Variants in AIMP2 observed in about 807,000 individuals in gnomAD.
The protein encoded by AIMP2 is aminoacyl tRNA synthetase complex interacting multifunctional protein 2, also known as aminoacyl tRNA synthase complex-interacting multifunctional protein 2.
In AIMP2, 20 loss-of-function variants were observed where a neutral mutation model predicts 23.4. The observed-to-expected ratio is 0.85, with a 90% confidence interval of 0.60 to 1.24. The LOEUF is 1.24. Ranked by LOEUF, AIMP2 falls within the 50% of genes most tolerant of loss-of-function variation. AIMP2 has a pLI of 0.00. For missense variants in AIMP2, 515 were observed against 414.5 expected, an observed-to-expected ratio of 1.24 and a Z score of -2.10; for synonymous variants, 210 against 170.4, an observed-to-expected ratio of 1.23 and a Z score of -1.81.
intron 1 of AIMP2, among the ~76,000 whole-genome samples, chr7:6,011,516 C>T (rs1197968475): frequency 6.6e-6 from 1 of 152,202 alleles, no homozygotes; most frequent in African/African-American, 2.4e-5. Context: ...ACAGGCCTGT[C>T]CATTTCTGAC....
chr7:6,014,758 C>A (rs34097030), intron 1 of AIMP2: 40,975 of 163,098 alleles, frequency 0.25, 5,556 homozygotes, highest in Middle Eastern at 0.36. Context: ...CTCACTCTGT[C>A]ACCCAGGCTG....
At chr7:6,014,749 T>G (rs1786911234) in intron 1 of AIMP2, among the ~76,000 whole-genome samples, 1 of 152,064 alleles carries the variant, frequency 6.6e-6, no homozygotes, top group African/African-American at 2.4e-5. Flanking sequence ...AGATGGAGTC[T>G]CACTCTGTCA....
chr7:6,013,264 T>G (rs1786808460), intron 1 of AIMP2: 1 of 82,612 alleles, frequency 1.2e-5, no homozygotes, highest in African/African-American at 5.2e-5. Flanking sequence ...GATTTTTTTT[T>G]TTTTTTTTTT....
At chr7:6,018,393 C>G (rs184690054) in intron 3 of AIMP2, among the ~76,000 whole-genome samples, 8 of 151,540 alleles carry the variant, frequency 5.3e-5, no homozygotes, top group Admixed American at 3.9e-4. Flanking sequence ...CATGATCCAC[C>G]TGCCTCAGCC....
At chr7:6,009,538 C>G in intron 1 of AIMP2, 40 bp downstream of exon 1, 1 of 1,388,226 alleles carries the variant, frequency 7.2e-7, no homozygotes, top group Non-Finnish European at 9.3e-7. Flanking sequence ...GCACGCGCGG[C>G]GACCGGCTGC....
At chr7:6,015,039 G>T in intron 1 of AIMP2, 107 bp from the exon 2 acceptor site, 3 of 1,570,838 alleles carry the variant, frequency 1.9e-6, no homozygotes, top group South Asian at 1.2e-5. Flanking sequence ...TTCTTTTAAA[G>T]GGTGGGAGGT....
chr7:6,015,262 T>G lies in AIMP2; in HGVS notation c.252T>G (p.Asp84Glu). Residue 84 changes from aspartate (D) to glutamate (E), a missense_variant, in exon 2 of 4, where the codon GAT becomes GAG. By Grantham distance (45) the Asp-to-Glu change is conservative. Transcript: ENST00000223029. ...TCTCCAAGATGATTCAAACACCAGA[T>G]GCAGACTTGGATGTAACCAACATAA... ...DGLSKMIQTP[D>E]ADLDVTNIIQ... The G allele has an allele frequency of 6.2e-7, 1 of 1,614,218 alleles. No homozygotes were observed. The highest frequency in any genetic ancestry group is 1.7e-5 in the Admixed American group (1 of 60,022).
At position 6,023,468 on chromosome 7, in the gene AIMP2, G is replaced by A; in HGVS notation, c.740G>A (p.Gly247Glu). Residue 247 changes from glycine to glutamate, a missense_variant, in exon 4 of 4, where the codon GGA becomes GAA. Transcript: ENST00000223029. Reference sequence around the variant, plus strand: ...ATTGCGATTTTTCAGTTAAAAGAGGGAAGCAGTAAAGAAAAAGCCGCTGTT... The same window carrying A: ...ATTGCGATTTTTCAGTTAAAAGAGGAAAGCAGTAAAGAAAAAGCCGCTGTT... The part of the protein sequence containing the change: ...VDIAIFQLKE[G>E]SSKEKAAVFR... 6.2e-7 allele frequency: 1 copy of A among 1,614,142 alleles called. No individual in the cohort carries two copies. Among genetic ancestry groups the A allele is most frequent in the Middle Eastern group, 1.6e-4 (1 of 6,062 alleles).
intron 3 of AIMP2, among the ~76,000 whole-genome samples, chr7:6,020,906 A>G (rs1787355583): frequency 6.6e-6 from 1 of 152,212 alleles, no homozygotes; most frequent in South Asian, 2.1e-4. Context: ...GCTCTTACCT[A>G]TAAAACTGCT....
intron 1 of AIMP2, among the ~76,000 whole-genome samples, chr7:6,010,393 TTG>T (rs1306315052): frequency 6.6e-6 from 1 of 152,056 alleles, no homozygotes; most frequent in Non-Finnish European, 1.5e-5. Flanking sequence ...TATGTCTTGC[TTG>T]TCTCTATTAT....
intron 3 of AIMP2, among the ~76,000 whole-genome samples, chr7:6,019,759 C>T (rs1447877670): frequency 6.6e-6 from 1 of 152,098 alleles, no homozygotes; most frequent in Admixed American, 6.6e-5. Flanking sequence ...CACAGTGGCT[C>T]ACGCCTGTAA....
intron 3 of AIMP2, among the ~76,000 whole-genome samples, chr7:6,018,776 G>T (rs1044537792): frequency 1.3e-5 from 2 of 151,992 alleles, no homozygotes; most frequent in Non-Finnish European, 2.9e-5. Flanking sequence ...GGAGGTTGCA[G>T]TGAGCCAAGA....
At chr7:6,016,088 G>C (rs1583454312) in intron 2 of AIMP2, among the ~76,000 whole-genome samples, 2 of 152,280 alleles carry the variant, frequency 1.3e-5, no homozygotes, top group East Asian at 3.9e-4. Context: ...GACTGCCCAA[G>C]TACAAAAATC....
chr7:6,009,332 C>T lies in AIMP2; in HGVS notation c.-32C>T, dbSNP rs1583437865. ...ACGGTTTCTGAGCGTTGGCCTTTGG[C>T]ACGCGCTACCCCCTTTTGCTTTGGT... On this transcript the variant is annotated 5_prime_UTR_variant, in exon 1 of 4. Coordinates refer to ENST00000223029, the MANE Select transcript of AIMP2 (RefSeq NM_006303.4). 2.2e-5 allele frequency: 36 copies of T among 1,611,680 alleles called. No individual in the cohort carries two copies. The highest frequency in any genetic ancestry group is 3.0e-5 in the Non-Finnish European group (35 of 1,179,968).
intron 1 of AIMP2, among the ~76,000 whole-genome samples, chr7:6,014,519 C>CA: frequency 6.6e-6 from 1 of 151,106 alleles, no homozygotes; most frequent in South Asian, 2.1e-4. Context: ...TCAAGCCTCC[C>CA]AAAGTGCTGG....
chr7:6,011,478 C>T (rs758692949), intron 1 of AIMP2, among the ~76,000 whole-genome samples: 2 of 152,158 alleles, frequency 1.3e-5, no homozygotes, highest in Non-Finnish European at 2.9e-5. Context: ...TCATTGCAAA[C>T]GTACATCCTA....
chr7:6,018,143 TTTC>T (rs1269720974), intron 3 of AIMP2, 98 bp downstream of exon 3: 8 of 909,348 alleles, frequency 8.8e-6, no homozygotes, highest in African/African-American at 2.5e-5. Context: ...TTTTTTTCTT[TTTC>T]TTTTTTTTTT....
At chr7:6,010,211 G>C (rs1464593600) in intron 1 of AIMP2, among the ~76,000 whole-genome samples, 1 of 151,124 alleles carries the variant, frequency 6.6e-6, no homozygotes, top group Non-Finnish European at 1.5e-5. Context: ...TTTTGGTTCA[G>C]AGATTCTACC....
intron 1 of AIMP2, among the ~76,000 whole-genome samples, chr7:6,012,482 T>C (rs1786752108): frequency 6.6e-6 from 1 of 152,084 alleles, no homozygotes; most frequent in Admixed American, 6.6e-5. Flanking sequence ...AAGGACTAGA[T>C]CACGCTGCAC....
Sources: allele counts gnomAD v4.1 joint callset (sites outside exome capture counted in the v4.1 genomes callset), GRCh38; gene constraint gnomAD v4.1.1; transcripts MANE v1.5; gene names NCBI Gene and HGNC (gene_info 2026-07-23, HGNC 2026-07-21).